ADGRA3: variants seen among roughly 807,000 people sequenced by gnomAD.
ADGRA3 encodes G-protein coupled receptor 125.
In ADGRA3, 56 loss-of-function variants were observed where a neutral mutation model predicts 119.8. That is an observed-to-expected ratio of 0.47 (90% CI 0.38 to 0.58). The LOEUF is 0.58. ADGRA3 is among the 20% of genes least tolerant of loss of function. ADGRA3 has a pLI of 0.00. For missense variants in ADGRA3, 1,516 were observed against 1,649.0 expected, an observed-to-expected ratio of 0.92 and a Z score of 1.40; for synonymous variants, 607 against 623.8, an observed-to-expected ratio of 0.97 and a Z score of 0.40.
intron 10 of ADGRA3, among the ~76,000 whole-genome samples, chr4:22,434,498 A>T (rs373757383): frequency 2.6e-5 from 4 of 152,234 alleles, no homozygotes; most frequent in South Asian, 4.1e-4. Context: ...TTCTCTTTCC[A>T]GGCGTGCCCT....
At chr4:22,440,551 CA>C (rs1167158650) in intron 7 of ADGRA3, among the ~76,000 whole-genome samples, 3 of 151,554 alleles carry the variant, frequency 2.0e-5, no homozygotes, top group African/African-American at 7.3e-5. Flanking sequence ...ATGTCCCTAC[CA>C]AAAAAAATGT....
chr4:22,482,823 G>A (rs1438894220), intron 1 of ADGRA3, among the ~76,000 whole-genome samples: 1 of 152,216 alleles, frequency 6.6e-6, no homozygotes, highest in East Asian at 1.9e-4. Context: ...ATGAGTGACT[G>A]TTGCAGCCAC....
intron 17 of ADGRA3, among the ~76,000 whole-genome samples, chr4:22,389,448 A>G (rs1714015266): frequency 6.6e-6 from 1 of 151,462 alleles, no homozygotes; most frequent in South Asian, 2.1e-4. Flanking sequence ...CCTTGTGGAC[A>G]GGCAAAGTAA....
intron 1 of ADGRA3, among the ~76,000 whole-genome samples, chr4:22,480,020 A>G (rs901377614): frequency 6.6e-6 from 1 of 152,168 alleles, no homozygotes; most frequent in Non-Finnish European, 1.5e-5. Context: ...GAGGAGGGAG[A>G]GCATTAGGAG....
intron 1 of ADGRA3, among the ~76,000 whole-genome samples, chr4:22,483,446 C>T (rs922630429): frequency 4.6e-5 from 7 of 152,174 alleles, no homozygotes; most frequent in African/African-American, 1.7e-4. Flanking sequence ...ATCTCAGTCC[C>T]AGCCTTATTC....
chr4:22,464,873 G>A (rs767716998), intron 2 of ADGRA3, among the ~76,000 whole-genome samples: 7 of 152,178 alleles, frequency 4.6e-5, no homozygotes, highest in Admixed American at 1.3e-4. Context: ...CTGCCCTTGC[G>A]TCTCATGGTC....
chr4:22,498,517 CT>C (rs34482991), intron 1 of ADGRA3, among the ~76,000 whole-genome samples: 59,727 of 151,772 alleles, frequency 0.39, 14,644 homozygotes, highest in East Asian at 0.6. Context: ...ACTCGGGAAG[CT>C]GAGGGAGAAG....
intron 16 of ADGRA3, among the ~76,000 whole-genome samples, chr4:22,399,672 C>T (rs1714529957): frequency 6.6e-6 from 1 of 152,144 alleles, no homozygotes. Context: ...TCCATTCTAT[C>T]CCATTGGCCA....
At chr4:22,413,120 C>A in intron 14 of ADGRA3, 62 bp downstream of exon 14, 2 of 1,219,942 alleles carry the variant, frequency 1.6e-6, no homozygotes, top group Non-Finnish European at 2.4e-6. Flanking sequence ...TTCATTTGAG[C>A]TTAATTATGC....
chr4:22,411,921 C>G (rs1052607917), intron 14 of ADGRA3, among the ~76,000 whole-genome samples: 1 of 151,140 alleles, frequency 6.6e-6, no homozygotes, highest in African/African-American at 2.4e-5. Context: ...ACCTGTGTAC[C>G]AGGTAAGGTA....
intron 3 of ADGRA3, among the ~76,000 whole-genome samples, chr4:22,461,242 A>ACC (rs1466468503): frequency 1.3e-5 from 2 of 152,238 alleles, no homozygotes; most frequent in Non-Finnish European, 1.5e-5. Context: ...GCCATCCACC[A>ACC]CCAAACAAAT....
intron 1 of ADGRA3, among the ~76,000 whole-genome samples, chr4:22,509,336 A>C (rs1719355915): frequency 6.6e-6 from 1 of 151,794 alleles, no homozygotes; most frequent in South Asian, 2.1e-4. Flanking sequence ...CCCCATCTCT[A>C]CTAAAGATCC....
intron 5 of ADGRA3, among the ~76,000 whole-genome samples, chr4:22,446,079 A>G (rs1165477778): frequency 6.6e-6 from 1 of 152,238 alleles, no homozygotes; most frequent in African/African-American, 2.4e-5. Flanking sequence ...ATAAATCAAC[A>G]AAGTGCAATA....
At chr4:22,407,038 G>A (rs551624137) in intron 14 of ADGRA3, among the ~76,000 whole-genome samples, 2 of 152,280 alleles carry the variant, frequency 1.3e-5, no homozygotes, top group East Asian at 1.9e-4. Flanking sequence ...TTGGGAGGCC[G>A]AGGCGGGTGG....
chr4:22,486,468 A>C (rs1048589797), intron 1 of ADGRA3, among the ~76,000 whole-genome samples: 8 of 152,194 alleles, frequency 5.3e-5, no homozygotes, highest in African/African-American at 1.9e-4. Flanking sequence ...GTATCTGCGT[A>C]AAACAAGAAA....
chr4:22,488,480 C>T (rs1280895789), intron 1 of ADGRA3, among the ~76,000 whole-genome samples: 1 of 152,212 alleles, frequency 6.6e-6, no homozygotes, highest in East Asian at 1.9e-4. Context: ...CACCAGGCTT[C>T]AGGGGGCTGG....
rs1715309231 is a variant in ADGRA3 at position 22,413,651 on chromosome 4, T to G, written c.1973A>C (p.Asp658Ala). 1 of 1,613,948 alleles carries G rather than the reference T, an allele frequency of 6.2e-7. No homozygotes were observed. Among genetic ancestry groups the G allele is most frequent in the African/African-American group, 1.3e-5 (1 of 74,928 alleles). ...PATGNSTNLA[D>A]DGKRRTVVTP... is the part of the protein sequence containing the mutation. Reference sequence around the variant, plus strand: ...AACCACAGTACGTCGTTTTCCATCATCAGCCAAATTTGTTGAATTTCCAGT... The same window carrying G: ...AACCACAGTACGTCGTTTTCCATCAGCAGCCAAATTTGTTGAATTTCCAGT... The change falls in exon 13 of 19, where the codon GAT becomes GCT. Residue 658 changes from aspartate to alanine, a missense_variant. Around this residue, in one of 2 missense-constraint regions of ADGRA3, gnomAD observed 1,088 missense variants for 1,107.1 expected, o/e 0.98. Coordinates refer to ENST00000334304, the MANE Select transcript of ADGRA3 (RefSeq NM_145290.4).
At chr4:22,405,304 C>T (rs569618818) in intron 14 of ADGRA3, among the ~76,000 whole-genome samples, 27 of 151,974 alleles carry the variant, frequency 1.8e-4, no homozygotes, top group Admixed American at 5.2e-4. Flanking sequence ...TTTGGGAGGC[C>T]CAAGGCAGGA....
chr4:22,494,008 G>A (rs960590433), intron 1 of ADGRA3, among the ~76,000 whole-genome samples: 3 of 151,938 alleles, frequency 2.0e-5, no homozygotes, highest in Admixed American at 1.3e-4. Context: ...TTCGAGACCA[G>A]CCTGACCAAC....
Sources: gnomAD v4.1 joint callset for allele counts (sites outside exome capture counted in the v4.1 genomes callset) on GRCh38, gnomAD v4.1.1 for gene constraint, gnomAD v4.1.1 regional missense constraint, MANE v1.5 for transcripts, NCBI Gene and HGNC (gene_info 2026-07-23, HGNC 2026-07-21) for gene names.